CCDC91: variants seen among roughly 807,000 people sequenced by gnomAD.
CCDC91 encodes the protein coiled-coil domain containing 91.
CCDC91 carries 48 observed loss-of-function variants against 63.2 expected under a neutral mutation model. The observed-to-expected ratio is 0.76, with a 90% confidence interval of 0.60 to 0.97. The LOEUF (loss-of-function observed/expected upper bound fraction) is 0.97, where lower values mean the gene tolerates loss of function less well. CCDC91 is among the 50% of genes least tolerant of loss of function. CCDC91 has a pLI of 0.00. For synonymous variants in CCDC91, 167 were observed against 165.8 expected, an observed-to-expected ratio of 1.01 and a Z score of -0.06; for missense variants, 500 against 494.6, an observed-to-expected ratio of 1.01 and a Z score of -0.10.
intron 11 of CCDC91, among the ~76,000 whole-genome samples, chr12:28,460,795 A>ATG (rs1054459426): frequency 6.0e-4 from 58 of 97,292 alleles, no homozygotes; most frequent in East Asian, 3.7e-3. Flanking sequence ...ATATATCTGT[A>ATG]TGTGTGTGTG....
At chr12:28,544,627 CAT>C (rs1231852586) in intron 12 of CCDC91, among the ~76,000 whole-genome samples, 6 of 151,986 alleles carry the variant, frequency 3.9e-5, no homozygotes, top group African/African-American at 1.4e-4. Flanking sequence ...CACACATACA[CAT>C]ACACACATAT....
intron 12 of CCDC91, among the ~76,000 whole-genome samples, chr12:28,546,254 T>G (rs185943055): frequency 5.3e-5 from 8 of 152,246 alleles, no homozygotes; most frequent in Admixed American, 4.6e-4. Flanking sequence ...TCTGCTTATA[T>G]TTTGTGCCTA....
At chr12:28,295,396 A>G (rs1949507800) in intron 3 of CCDC91, among the ~76,000 whole-genome samples, 1 of 152,102 alleles carries the variant, frequency 6.6e-6, no homozygotes, top group Non-Finnish European at 1.5e-5. Flanking sequence ...GATTTATTGA[A>G]CACCTTTGAT....
chr12:28,324,073 T>TAG (rs1409871563), intron 6 of CCDC91, among the ~76,000 whole-genome samples: 1 of 151,928 alleles, frequency 6.6e-6, no homozygotes. Flanking sequence ...GAGACCTTTT[T>TAG]AGAGTCTGCT....
intron 8 of CCDC91, among the ~76,000 whole-genome samples, chr12:28,433,738 A>C (rs1948751536): frequency 6.6e-6 from 1 of 151,954 alleles, no homozygotes; most frequent in Non-Finnish European, 1.5e-5. Context: ...GATATCCATA[A>C]AATATCTTGG....
chr12:28,483,568 C>T (rs945700262), intron 11 of CCDC91, among the ~76,000 whole-genome samples: 1 of 152,032 alleles, frequency 6.6e-6, no homozygotes, highest in Non-Finnish European at 1.5e-5. Flanking sequence ...TTATGGTGTC[C>T]AGCTCACAAC....
At chr12:28,334,147 C>A (rs1941741581) in intron 6 of CCDC91, among the ~76,000 whole-genome samples, 1 of 151,886 alleles carries the variant, frequency 6.6e-6, no homozygotes, top group Non-Finnish European at 1.5e-5. Flanking sequence ...TGTTAGAAGT[C>A]TAACAGCTTG....
rs74075351 is a variant in CCDC91 at position 28,442,063 on chromosome 12, G to T, written c.763-8098G>T. ...GATAATTGTTGAAAGTGAGTGATAGGTGTAGAGAGTTCCATTATTCTATTT... is the reference window on the plus strand; with the variant it reads ...GATAATTGTTGAAAGTGAGTGATAGTTGTAGAGAGTTCCATTATTCTATTT... On this transcript the variant is annotated intron_variant, in intron 8 of 12. Coordinates refer to ENST00000536442, the MANE Select transcript of CCDC91 (RefSeq NM_018318.5). 3.4e-3 allele frequency among the ~76,000 whole-genome samples: 501 copies of T among 146,232 alleles called. 4 individuals carry two copies. Among genetic ancestry groups the T allele is most frequent in the African/African-American group, 0.012 (484 of 41,036 alleles).
chr12:28,341,963 A>G (rs1942457200), intron 6 of CCDC91, among the ~76,000 whole-genome samples: 2 of 152,208 alleles, frequency 1.3e-5, no homozygotes, highest in African/African-American at 4.8e-5. Context: ...GAATCTGTGA[A>G]TATGTTGCAT....
chr12:28,231,593 A>G (rs1166708072), intron 1 of CCDC91, among the ~76,000 whole-genome samples: 2 of 152,168 alleles, frequency 1.3e-5, no homozygotes, highest in African/African-American at 4.8e-5. Context: ...TCTGCTTTTT[A>G]TAAAAGACTT....
At chr12:28,377,656 A>G (rs1312086083) in intron 7 of CCDC91, among the ~76,000 whole-genome samples, 1 of 151,832 alleles carries the variant, frequency 6.6e-6, no homozygotes, top group Non-Finnish European at 1.5e-5. Flanking sequence ...CATCTTCTCA[A>G]ACTCTAGGGT....
At chr12:28,269,549 A>G (rs1947600636) in intron 3 of CCDC91, among the ~76,000 whole-genome samples, 2 of 151,770 alleles carry the variant, frequency 1.3e-5, no homozygotes, top group African/African-American at 4.8e-5. Flanking sequence ...GCTCCCCCCA[A>G]CCAACCCTGC....
intron 2 of CCDC91, among the ~76,000 whole-genome samples, chr12:28,258,033 G>A (rs1946562743): frequency 6.6e-6 from 1 of 151,462 alleles, no homozygotes; most frequent in Non-Finnish European, 1.5e-5. Flanking sequence ...GGATGAATAA[G>A]ATGTTAAGTA....
intron 1 of CCDC91, among the ~76,000 whole-genome samples, chr12:28,238,971 T>G (rs1320480985): frequency 1.3e-5 from 2 of 151,910 alleles, no homozygotes; most frequent in Non-Finnish European, 2.9e-5. Flanking sequence ...GTACAAAGAT[T>G]AGCTGGGCAT....
At chr12:28,542,812 A>T (rs555448018) in intron 12 of CCDC91, among the ~76,000 whole-genome samples, 28 of 152,176 alleles carry the variant, frequency 1.8e-4, no homozygotes, top group South Asian at 1.7e-3. Context: ...AATAAGCAGG[A>T]CACATGCTGT....
At chr12:28,502,420 A>G (rs1319589367) in intron 12 of CCDC91, among the ~76,000 whole-genome samples, 3 of 151,896 alleles carry the variant, frequency 2.0e-5, no homozygotes, top group Non-Finnish European at 4.4e-5. Context: ...GCACTGCTCA[A>G]TGAAATAAAA....
At chr12:28,380,972 T>C (rs1205798647) in intron 7 of CCDC91, among the ~76,000 whole-genome samples, 1 of 152,100 alleles carries the variant, frequency 6.6e-6, no homozygotes, top group Non-Finnish European at 1.5e-5. Context: ...CCACACAATA[T>C]AGTTGTTACA....
chr12:28,471,278 G>A (rs957151529), intron 11 of CCDC91, among the ~76,000 whole-genome samples: 10 of 152,050 alleles, frequency 6.6e-5, no homozygotes, highest in Admixed American at 1.3e-4. Context: ...ATGAAATTCC[G>A]CAAAATATTT....
At chr12:28,363,876 G>GAAAAAAAAAAAAAAAAAAA (rs34997286) in intron 7 of CCDC91, among the ~76,000 whole-genome samples, 1 of 52,560 alleles carries the variant, frequency 1.9e-5, no homozygotes, top group Non-Finnish European at 3.2e-5. Flanking sequence ...GGCTCCATCT[G>GAAAAAAAAAAAAAAAAAAA]AAAAAAAAAA....
Sources: allele counts gnomAD v4.1 joint callset (sites outside exome capture counted in the v4.1 genomes callset), GRCh38; gene constraint gnomAD v4.1.1; transcripts MANE v1.5; gene names NCBI Gene and HGNC (gene_info 2026-07-23, HGNC 2026-07-21).